The following PAPSS2 variants were observed in gnomAD, a reference collection of about 807,000 sequenced individuals.
PAPSS2 encodes bifunctional 3'-phosphoadenosine 5'-phosphosulfate synthase 2.
In PAPSS2, 61 loss-of-function variants were observed where a neutral mutation model predicts 66.5. That is an observed-to-expected ratio of 0.92 (90% CI 0.75 to 1.14). The LOEUF is 1.14. PAPSS2 is among the 50% of genes most tolerant of loss of function. The pLI, the probability that PAPSS2 is intolerant of heterozygous loss-of-function variation, is 0.00. For missense variants in PAPSS2, 708 were observed against 789.6 expected (o/e 0.90, Z 1.24); for synonymous variants, 289 against 287.5 (o/e 1.01, Z -0.05).
At chr10:87,738,242 G>T (rs922651961) in intron 9 of PAPSS2, among the ~76,000 whole-genome samples, 1 of 152,166 alleles carries the variant, frequency 6.6e-6, no homozygotes, top group Admixed American at 6.5e-5. Flanking sequence ...CCATAAGTAG[G>T]ATTGCTGGAT....
At chr10:87,697,835 C>T (rs1260443422) in intron 1 of PAPSS2, among the ~76,000 whole-genome samples, 1 of 145,762 alleles carries the variant, frequency 6.9e-6, no homozygotes, top group East Asian at 2.2e-4. Flanking sequence ...AACCACTGCA[C>T]AGACCTCTGG....
Position 87,740,998 on chromosome 10 carries a change from G to T in PAPSS2, c.1087-237G>T, listed in dbSNP as rs11202534. ...TCAGTTTAAATTTCTAATATGAAAAGTAATGATAGCTATAACCCACAAAAA... is the reference window on the plus strand; with the variant it reads ...TCAGTTTAAATTTCTAATATGAAAATTAATGATAGCTATAACCCACAAAAA... On this transcript the variant is annotated intron_variant, in intron 9 of 12. Transcript: ENST00000456849. Among the ~76,000 whole-genome samples, 7,773 of 152,202 alleles carry T rather than the reference G, an allele frequency of 0.051. 619 individuals are homozygous for T. The highest frequency in any genetic ancestry group is 0.39 in the East Asian group (2,010 of 5,162).
rs1184871976 is a variant in PAPSS2, at chr10:87,663,106, C to CTTTTTTTT, written c.27+3114_27+3121dup. Among the ~76,000 whole-genome samples, 36 of 67,630 alleles carry CTTTTTTTT rather than the reference C, an allele frequency of 5.3e-4. 2 individuals carry two copies. Among genetic ancestry groups the CTTTTTTTT allele is most frequent in the East Asian group, 1.9e-3 (4 of 2,082 alleles). 44.4% of individuals were successfully genotyped at this position (67,630 alleles called of 152,430 possible). A position where few individuals can be genotyped will look rare whatever the true frequency, so the allele number is the denominator to read the frequency against. Reference sequence around the variant, plus strand: ...AACATTATTTTTCTAGAAGTAGCCACTTTTTTTTTTTTTTTTTTTTTTTGA... The same window carrying CTTTTTTTT: ...AACATTATTTTTCTAGAAGTAGCCACTTTTTTTTTTTTTTTTTTTTTTTTTTTTTTTGA... On this transcript the variant is annotated intron_variant, in intron 1 of 12. Transcript: ENST00000456849.
chr10:87,660,014 C>A lies in PAPSS2; in HGVS notation c.27+6C>A. 1 of 1,612,202 alleles carries A rather than the reference C, an allele frequency of 6.2e-7. No individual in the cohort carries two copies. Among genetic ancestry groups the A allele is most frequent in the Non-Finnish European group, 8.5e-7 (1 of 1,179,264 alleles). ...GGATCAAGAAGCAAAAGACGGTAGG[C>A]TTCCAGGCGCCGGCTTCCCTCCCCG... is the stretch of plus-strand genomic sequence containing the variant. On this transcript the variant is annotated splice_donor_region_variant and intron_variant, in intron 1 of 12. Coordinates refer to ENST00000456849, the MANE Select transcript of PAPSS2 (RefSeq NM_001015880.2).
At chr10:87,701,320 C>CT (rs1853305330) in intron 1 of PAPSS2, among the ~76,000 whole-genome samples, 14 of 84,314 alleles carry the variant, frequency 1.7e-4, no homozygotes, top group Admixed American at 7.1e-4. Flanking sequence ...TCCTTCCTTC[C>CT]TTCCTTCCTT....
intron 1 of PAPSS2, among the ~76,000 whole-genome samples, chr10:87,685,534 T>C (rs1310746983): frequency 6.6e-6 from 1 of 151,808 alleles, no homozygotes; most frequent in Non-Finnish European, 1.5e-5. Flanking sequence ...AATAAAAACA[T>C]TAGCTGGGCA....
intron 8 of PAPSS2, among the ~76,000 whole-genome samples, chr10:87,723,348 C>T (rs935006898): frequency 4.6e-5 from 7 of 152,156 alleles, no homozygotes; most frequent in Non-Finnish European, 1.0e-4. Flanking sequence ...CATCAGCAAC[C>T]TCCATTAACA....
chr10:87,726,338 G>A (rs1486397996), intron 8 of PAPSS2, among the ~76,000 whole-genome samples: 2 of 152,220 alleles, frequency 1.3e-5, no homozygotes, highest in South Asian at 2.1e-4. Context: ...GCTGAGGCAG[G>A]ACAATAGCTT....
intron 1 of PAPSS2, among the ~76,000 whole-genome samples, chr10:87,668,558 G>A (rs1852840124): frequency 6.6e-6 from 1 of 152,012 alleles, no homozygotes; most frequent in Admixed American, 6.6e-5. Context: ...TGAGCTAAAA[G>A]CAATAAAATT....
chr10:87,744,109 A>T (rs1853908267), intron 11 of PAPSS2, among the ~76,000 whole-genome samples: 1 of 152,186 alleles, frequency 6.6e-6, no homozygotes, highest in Non-Finnish European at 1.5e-5. Context: ...CTCAAAAAAA[A>T]AAAGAAAGAT....
At chr10:87,661,192 G>C in intron 1 of PAPSS2, 1 of 374,568 alleles carries the variant, frequency 2.7e-6, no homozygotes, top group Admixed American at 3.2e-5. Flanking sequence ...AGTGTGGAGG[G>C]GCCATGCAGG....
At chr10:87,696,338 C>A (rs1330495318) in intron 1 of PAPSS2, among the ~76,000 whole-genome samples, 1 of 152,026 alleles carries the variant, frequency 6.6e-6, no homozygotes. Flanking sequence ...CCTGGGCTCT[C>A]TCTATATGGA....
rs553978532 is a variant in PAPSS2 at position 87,714,793 on chromosome 10, G to A, written c.569G>A (p.Arg190His). ...SDYEKPETPE[R>H]VLKTNLSTVS... is the part of the protein sequence containing the mutation. ...TATGAGAAACCTGAAACTCCTGAGC[G>A]TGTGCTTAAAACCAATTTGTCCACA... Residue 190 changes from arginine (R) to histidine (H), a missense_variant, in exon 5 of 13, where the codon CGT becomes CAT. Transcript: ENST00000456849. The A allele has an allele frequency of 1.3e-5, 21 of 1,613,470 alleles. No individual in the cohort carries two copies. The East Asian group carries it at 1.6e-4, about 12-fold the overall frequency.
Position 87,714,042 on chromosome 10 carries a change from A to C in PAPSS2, c.382-2A>C. On this transcript the variant is annotated splice_acceptor_variant, in intron 3 of 12. Transcript: ENST00000456849. LOFTEE classifies it high-confidence loss of function. ...TACATTCTTAATCATATTGCTTTTC[A>C]GGATCGTGAGAATGCCCGCAAAATA... 1 of 1,613,834 alleles carries C rather than the reference A, an allele frequency of 6.2e-7. No individual in the cohort carries two copies. Among genetic ancestry groups the C allele is most frequent in the Non-Finnish European group, 8.5e-7 (1 of 1,179,746 alleles).
intron 1 of PAPSS2, among the ~76,000 whole-genome samples, chr10:87,706,084 G>GTATA (rs532950801): frequency 0.012 from 699 of 60,106 alleles, 31 homozygotes; most frequent in South Asian, 0.044. Flanking sequence ...TCTTCACATG[G>GTATA]TATATATATA....
chr10:87,700,657 C>CAA (rs1168522761), intron 1 of PAPSS2, among the ~76,000 whole-genome samples: 36 of 63,220 alleles, frequency 5.7e-4, no homozygotes, highest in African/African-American at 1.9e-3. Flanking sequence ...GACCCTGTCT[C>CAA]AAAAAAAAAA....
chr10:87,669,639 C>T (rs1411913029), intron 1 of PAPSS2, among the ~76,000 whole-genome samples: 1 of 152,176 alleles, frequency 6.6e-6, no homozygotes, highest in Non-Finnish European at 1.5e-5. Flanking sequence ...TTTTTTAGAG[C>T]ATGTGTTGTT....
Position 87,746,054 on chromosome 10 carries a change from T to C in PAPSS2, c.*84T>C. The C allele has an allele frequency of 7.8e-7, 1 of 1,286,566 alleles. No homozygotes were observed. Among genetic ancestry groups the C allele is most frequent in the Non-Finnish European group, 1.1e-6 (1 of 891,916 alleles). The allele number at this position is 1,286,566 out of a possible 1,614,324, so 79.7% of individuals were successfully genotyped here. On this transcript the variant is annotated 3_prime_UTR_variant, in exon 13 of 13. Transcript: ENST00000456849. Reference sequence around the variant, plus strand: ...GATTAGATGCTTTGTATTAAATTGCTTCTCAATGATGCATTTTAATCTTTT... The same window carrying C: ...GATTAGATGCTTTGTATTAAATTGCCTCTCAATGATGCATTTTAATCTTTT...
chr10:87,665,638 G>A (rs1031679254), intron 1 of PAPSS2, among the ~76,000 whole-genome samples: 1 of 152,184 alleles, frequency 6.6e-6, no homozygotes, highest in African/African-American at 2.4e-5. Flanking sequence ...TCTATGCCAA[G>A]ACAATTGTCC....
Sources: allele counts gnomAD v4.1 joint callset (sites outside exome capture counted in the v4.1 genomes callset), GRCh38; gene constraint gnomAD v4.1.1; transcripts MANE v1.5; gene names NCBI Gene and HGNC (gene_info 2026-07-23, HGNC 2026-07-21).